The following PRKN variants were observed in gnomAD, a reference collection of about 807,000 sequenced individuals.
PRKN encodes E3 ubiquitin-protein ligase parkin.
A neutral mutation model predicts 59.5 loss-of-function variants in PRKN; 56 were observed. The ratio of observed to expected loss-of-function variants is 0.94; its 90% CI spans 0.76 to 1.18. PRKN has a LOEUF of 1.18. PRKN is among the 50% of genes most tolerant of loss of function. The pLI is 0.00. For synonymous variants in PRKN, 250 were observed against 222.1 expected (o/e 1.13, Z -1.12); for missense variants, 657 against 596.4 (o/e 1.10, Z -1.06).
chr6:162,353,456 A>G (rs1437988629), intron 2 of PRKN, among the ~76,000 whole-genome samples: 3 of 152,154 alleles, frequency 2.0e-5, no homozygotes, highest in African/African-American at 7.2e-5. Context: ...ACATAAAATA[A>G]ATGTTAAATG....
At chr6:162,627,373 T>C (rs1480636204) in intron 1 of PRKN, among the ~76,000 whole-genome samples, 2 of 152,210 alleles carry the variant, frequency 1.3e-5, no homozygotes, top group East Asian at 1.9e-4. Flanking sequence ...AACTCAATGT[T>C]TGTCATAGGA....
chr6:161,450,748 G>A lies in PRKN; in HGVS notation c.1084-63871C>T, dbSNP rs564636343. Among the ~76,000 whole-genome samples, 24 of 152,186 alleles carry A rather than the reference G, an allele frequency of 1.6e-4. No individual in the cohort carries two copies. In the South Asian group the frequency reaches 4.6e-3, roughly 29 times the overall value. On this transcript the variant is annotated intron_variant, in intron 9 of 11. Coordinates refer to ENST00000366898, the MANE Select transcript of PRKN (RefSeq NM_004562.3). ...ATTTTTGTATTTTTAGTAGAGACAG[G>A]GTTTCACTGTGTTAGCCAGGATGGT...
rs1787410653 is a variant in PRKN, at chr6:161,409,133, A to C, written c.1084-22256T>G. On this transcript the variant is annotated intron_variant, in intron 9 of 11. Coordinates refer to ENST00000366898, the MANE Select transcript of PRKN (RefSeq NM_004562.3). The surrounding 1 kb of genome is among the most constrained non-coding windows in gnomAD (Gnocchi z 4.6). ...GCTAATTTTTGTACTTTTAGTAGAG[A>C]TGGGGTTTCACCATATTGGCCAGGC... Among the ~76,000 whole-genome samples, 1 of 152,042 alleles carries C rather than the reference A, an allele frequency of 6.6e-6. No homozygotes were observed. Among genetic ancestry groups the C allele is most frequent in the Non-Finnish European group, 1.5e-5 (1 of 68,016 alleles).
At chr6:161,403,499 C>A (rs1298024731) in intron 9 of PRKN, among the ~76,000 whole-genome samples, 1 of 152,132 alleles carries the variant, frequency 6.6e-6, no homozygotes, top group Non-Finnish European at 1.5e-5. Flanking sequence ...TGTTCCAAAT[C>A]AAATCATTCC....
At position 161,785,832 on chromosome 6, in the gene PRKN, T is replaced by C; in HGVS notation, c.811A>G (p.Arg271Gly). 6.2e-7 allele frequency: 1 copy of C among 1,614,172 alleles called. No homozygotes were observed. ...LDCFHLYCVTRLNDRQFVHDP... is the reference protein window; with the variant it reads ...LDCFHLYCVTGLNDRQFVHDP... The stretch of plus-strand genomic sequence containing the variant: ...TGAACAAACTGCCGATCATTGAGTC[T>C]TGTCACACAGTATAAGTGGAAACAG... Residue 271 changes from arginine to glycine, a missense_variant, in exon 7 of 12, where the codon AGA (arginine) becomes GGA (glycine). Physicochemically the swap from Arg to Gly is moderately radical, Grantham distance 125. Coordinates refer to ENST00000366898, the MANE Select transcript of PRKN (RefSeq NM_004562.3).
chr6:161,834,972 ACCC>A (rs1361273928), intron 6 of PRKN, among the ~76,000 whole-genome samples: 2 of 151,500 alleles, frequency 1.3e-5, no homozygotes, highest in Non-Finnish European at 2.9e-5. Flanking sequence ...ACCCCGGAGC[ACCC>A]CCGTCAGCAG....
intron 7 of PRKN, among the ~76,000 whole-genome samples, chr6:161,670,503 T>C (rs898553382): frequency 1.3e-5 from 2 of 152,116 alleles, no homozygotes. Context: ...TGTCTTTGTG[T>C]CCCTTCTCTT....
chr6:161,865,077 T>C (rs1233310829), intron 6 of PRKN, among the ~76,000 whole-genome samples: 2 of 152,322 alleles, frequency 1.3e-5, no homozygotes, highest in Non-Finnish European at 2.9e-5. Flanking sequence ...AGAATGGGTG[T>C]TGTGTCAGCA....
intron 1 of PRKN, among the ~76,000 whole-genome samples, chr6:162,460,664 T>A (rs997097572): frequency 1.3e-5 from 2 of 152,226 alleles, no homozygotes; most frequent in Non-Finnish European, 2.9e-5. Flanking sequence ...GATGAATGAA[T>A]GTGCATTCAC....
chr6:161,910,422 T>C (rs950788896), intron 6 of PRKN, among the ~76,000 whole-genome samples: 2 of 151,968 alleles, frequency 1.3e-5, no homozygotes, highest in African/African-American at 4.8e-5. Flanking sequence ...ACCCGGCTAA[T>C]TTTTGTATTT....
At chr6:162,054,779 A>T (rs1374608958) in intron 4 of PRKN, among the ~76,000 whole-genome samples, 1 of 152,260 alleles carries the variant, frequency 6.6e-6, no homozygotes, top group South Asian at 2.1e-4. Context: ...AAAATGAAAT[A>T]TCAGTGTCAA....
chr6:162,562,928 G>A (rs1779901682), intron 1 of PRKN, among the ~76,000 whole-genome samples: 1 of 152,146 alleles, frequency 6.6e-6, no homozygotes, highest in African/African-American at 2.4e-5. Context: ...TCATAGTGGT[G>A]GTGGCCACAG....
intron 2 of PRKN, among the ~76,000 whole-genome samples, chr6:162,387,555 C>CAGAGAGAGAGAGAG (rs60548327): frequency 5.2e-5 from 5 of 95,632 alleles, no homozygotes; most frequent in African/African-American, 8.2e-5. Flanking sequence ...CACACACACA[C>CAGAGAGAGAGAGAG]AGAGAGAGAG....
rs1248271478 is a variant in PRKN at position 161,355,644 on chromosome 6, G to A, written c.1285+4444C>T. Among the ~76,000 whole-genome samples, 2 of 152,034 alleles carry A rather than the reference G, an allele frequency of 1.3e-5. No homozygotes were observed. Among genetic ancestry groups the A allele is most frequent in the South Asian group, 2.1e-4 (1 of 4,824 alleles). ...TGGTCCTGAATTCTTGAACTCAAGC[G>A]ATCTGCCAGCCTCGGCCTCCCAAAG... On this transcript the variant is annotated intron_variant, in intron 11 of 11. Transcript: ENST00000366898. The surrounding 1 kb of genome is among the most constrained non-coding windows in gnomAD (Gnocchi z 6.8).
intron 5 of PRKN, among the ~76,000 whole-genome samples, chr6:162,015,605 C>T (rs1210955413): frequency 6.6e-6 from 1 of 152,156 alleles, no homozygotes. Context: ...CCCTTCCTTT[C>T]TCCCCTGTCA....
intron 6 of PRKN, among the ~76,000 whole-genome samples, chr6:161,951,377 A>C (rs1301513638): frequency 6.6e-6 from 1 of 151,876 alleles, no homozygotes; most frequent in Non-Finnish European, 1.5e-5. Context: ...AGCTCCCTGA[A>C]CTATTAACCT....
chr6:161,631,576 T>G (rs1025015975), intron 7 of PRKN, among the ~76,000 whole-genome samples: 16 of 152,258 alleles, frequency 1.1e-4, no homozygotes, highest in African/African-American at 3.9e-4. Flanking sequence ...ATCTTATTTA[T>G]TTAAAAATGT....
intron 3 of PRKN, among the ~76,000 whole-genome samples, chr6:162,223,403 A>T (rs933825108): frequency 4.6e-5 from 7 of 152,098 alleles, no homozygotes; most frequent in African/African-American, 1.7e-4. Flanking sequence ...GTTAATCATA[A>T]TAATAGTGCT....
chr6:161,780,516 CAGA>C (rs1388922750), intron 7 of PRKN, among the ~76,000 whole-genome samples: 1 of 152,140 alleles, frequency 6.6e-6, no homozygotes, highest in Non-Finnish European at 1.5e-5. Flanking sequence ...CACCTTTCAG[CAGA>C]AGGTCATCTG....
Sources: allele counts gnomAD v4.1 joint callset (sites outside exome capture counted in the v4.1 genomes callset), GRCh38; gene constraint gnomAD v4.1.1; non-coding constraint Gnocchi (gnomAD v3.1); transcripts MANE v1.5; gene names NCBI Gene and HGNC (gene_info 2026-07-23, HGNC 2026-07-21).